Variants in CNOT1 observed in about 807,000 individuals in gnomAD.
CNOT1 encodes CCR4-NOT transcription complex subunit 1, also known as CCR4-associated factor 1.
CNOT1 carries 15 observed loss-of-function variants against 273.8 expected under a neutral mutation model. The observed-to-expected ratio is 0.05, with a 90% CI of 0.04 to 0.08. CNOT1 has a LOEUF of 0.08. Among genes scored for constraint, CNOT1 ranks in the 10% least tolerant of loss-of-function variants. The pLI, the probability that CNOT1 is intolerant of heterozygous loss-of-function variation, is 1.00. For synonymous variants in CNOT1, 1,022 were observed against 1,005.5 expected (o/e 1.02, Z -0.31); for missense variants, 1,644 against 2,912.2 (o/e 0.56, Z 10.02).
chr16:58,622,271 G>T (rs1325402407), intron 1 of CNOT1, among the ~76,000 whole-genome samples: 2 of 137,258 alleles, frequency 1.5e-5, no homozygotes, highest in Admixed American at 1.6e-4. Context: ...CCGAGATGGC[G>T]CCACTGCACT....
chr16:58,586,864 C>G, intron 6 of CNOT1, 116 bp from the exon 7 acceptor site: 1 of 1,194,028 alleles, frequency 8.4e-7, no homozygotes, highest in Non-Finnish European at 1.2e-6. Flanking sequence ...TCACCCATCT[C>G]TCTAATGCTT....
In CNOT1 at chr16:58,520,991, G is replaced by C; in HGVS notation, c.7098C>G (p.Ala2366=). Residue 2366 remains alanine (A), a synonymous_variant, in exon 49 of 49, where the codon GCC becomes GCG. Transcript: ENST00000317147. The part of the protein sequence containing the change: ...VAQCCMGQKQ[A]QQVMEGTGAS ...CACCTGTCCCTTCCATTACTTGCTGGGCCTGCTTCTGTCCCATGCAGCACT... is the reference window on the plus strand; with the variant it reads ...CACCTGTCCCTTCCATTACTTGCTGCGCCTGCTTCTGTCCCATGCAGCACT... 1 of 1,613,884 alleles carries C rather than the reference G, an allele frequency of 6.2e-7. No individual in the cohort carries two copies. The highest frequency in any genetic ancestry group is 8.5e-7 in the Non-Finnish European group (1 of 1,180,024).
chr16:58,551,494 G>A, intron 23 of CNOT1, 95 bp downstream of exon 23: 1 of 1,370,642 alleles, frequency 7.3e-7, no homozygotes. Flanking sequence ...TTTTTTAGTA[G>A]GCATGTGTTA....
chr16:58,531,564 T>C lies in CNOT1; in HGVS notation c.6177+394A>G, dbSNP rs535571809. Among the ~76,000 whole-genome samples, 30 of 152,280 alleles carry C rather than the reference T, an allele frequency of 2.0e-4. No homozygotes were observed. In the South Asian group the frequency reaches 6.2e-3, roughly 32 times the overall value. On this transcript the variant is annotated intron_variant, in intron 42 of 48. Coordinates refer to ENST00000317147, the MANE Select transcript of CNOT1 (RefSeq NM_016284.5). ...TGTTACCCAGAGATTTATTCAGATA[T>C]TTATGAGGGCACACATGGATTTCAA... is the stretch of plus-strand genomic sequence containing the variant.
At chr16:58,588,202 G>A (rs1344930021) in intron 3 of CNOT1, among the ~76,000 whole-genome samples, 5 of 152,062 alleles carry the variant, frequency 3.3e-5, no homozygotes, top group African/African-American at 1.2e-4. Flanking sequence ...GGGAGGCTGA[G>A]GCAGGAGAAT....
At chr16:58,591,619 C>T (rs1422494822) in intron 2 of CNOT1, among the ~76,000 whole-genome samples, 2 of 151,820 alleles carry the variant, frequency 1.3e-5, no homozygotes, top group African/African-American at 2.4e-5. Flanking sequence ...CCGGACGTGG[C>T]GGCATGCTCC....
At position 58,570,332 on chromosome 16, in the gene CNOT1, A is replaced by C. The variant is rs75223942; in HGVS notation, c.1979+4277T>G. Among the ~76,000 whole-genome samples, 1,821 of 152,276 alleles carry C rather than the reference A, an allele frequency of 0.012. 144 individuals carry two copies. The East Asian group carries it at 0.23, about 19-fold the overall frequency. Reference sequence around the variant, plus strand: ...ACAGGTAAATACAAAGGACAGTATAAATCTCCTAATTAAAGAACAACTGGG... The same window carrying C: ...ACAGGTAAATACAAAGGACAGTATACATCTCCTAATTAAAGAACAACTGGG... On this transcript the variant is annotated intron_variant, in intron 16 of 48. Coordinates refer to ENST00000317147, the MANE Select transcript of CNOT1 (RefSeq NM_016284.5).
At chr16:58,521,073 G>A (rs1298129452) in intron 48 of CNOT1, 37 bp from the exon 49 acceptor site, 3 of 1,613,812 alleles carry the variant, frequency 1.9e-6, no homozygotes, top group Non-Finnish European at 2.5e-6. Context: ...TCTGATTAAA[G>A]AGTAGGCCTA....
intron 45 of CNOT1, 112 bp downstream of exon 45, chr16:58,525,877 T>C (rs551639773): frequency 4.3e-5 from 37 of 864,760 alleles, no homozygotes; most frequent in South Asian, 2.2e-4. Flanking sequence ...CCTCACCCAA[T>C]TGATGGAAAT....
chr16:58,625,102 T>C (rs2043507785), intron 1 of CNOT1, among the ~76,000 whole-genome samples: 1 of 151,648 alleles, frequency 6.6e-6, no homozygotes, highest in Admixed American at 6.6e-5. Flanking sequence ...ATACAAAAAT[T>C]AGGCCAGGCG....
Position 58,528,641 on chromosome 16 carries a change from A to T in CNOT1, c.6287T>A (p.Leu2096Ter). 6.2e-7 allele frequency: 1 copy of T among 1,600,114 alleles called. No homozygotes were observed. ...ATGCAAAAGAACCAGCAGCACTCTTAAAGTGCCCTATTTTTAAAAAACAAG... is the reference window on the plus strand; with the variant it reads ...ATGCAAAAGAACCAGCAGCACTCTTTAAGTGCCCTATTTTTAAAAAACAAG... Reference protein sequence around the residue: ...KPMQILYKGTLRVLLVLLHDF... With the variant: ...KPMQILYKGT The change falls in exon 44 of 49, where the codon TTA becomes TAA. Residue 2096 changes from leucine to a stop codon, truncating the protein, a stop_gained. Coordinates refer to ENST00000317147, the MANE Select transcript of CNOT1 (RefSeq NM_016284.5). LOFTEE classifies it high-confidence loss of function.
rs183194469 is a variant in CNOT1, at chr16:58,569,282, C to G, written c.1979+5327G>C. Reference sequence around the variant, plus strand: ...GGACTATAGTCGCCCTTCACTATGCCTGGCTAATTTTTGCATTTTTAGTGG... The same window carrying G: ...GGACTATAGTCGCCCTTCACTATGCGTGGCTAATTTTTGCATTTTTAGTGG... On this transcript the variant is annotated intron_variant, in intron 16 of 48. Coordinates refer to ENST00000317147, the MANE Select transcript of CNOT1 (RefSeq NM_016284.5). 2.6e-5 allele frequency among the ~76,000 whole-genome samples: 4 copies of G among 152,220 alleles called. No homozygotes were observed. In the East Asian group the frequency reaches 7.7e-4, roughly 29 times the overall value.
intron 43 of CNOT1, among the ~76,000 whole-genome samples, chr16:58,529,359 G>GT (rs2039699421): frequency 6.6e-6 from 1 of 152,168 alleles, no homozygotes; most frequent in Admixed American, 6.5e-5. Context: ...CTTTAAGGGA[G>GT]TAAAAGGGCA....
Position 58,543,662 on chromosome 16 carries a change from G to A in CNOT1, c.4379C>T (p.Pro1460Leu). The change falls in exon 31 of 49, where the codon CCT (proline) becomes CTT (leucine). Residue 1460 changes from proline (P) to leucine (L), a missense_variant. Pro to Leu is a moderately conservative substitution (Grantham distance 98). This residue lies in a region of CNOT1 where 133 missense variants were observed against 230.4 expected (regional missense o/e 0.58). Transcript: ENST00000317147. ...AGMAMITCRE[P>L]LLMSISTNLK... is the part of the protein sequence containing the mutation. Reference sequence around the variant, plus strand: ...GTTGGTAGATATGCTCATGAGCAAAGGTTCCCTGCATGTAATCATAGCCAT... The same window carrying A: ...GTTGGTAGATATGCTCATGAGCAAAAGTTCCCTGCATGTAATCATAGCCAT... 1 of 1,614,202 alleles carries A rather than the reference G, an allele frequency of 6.2e-7. No individual in the cohort carries two copies. The highest frequency in any genetic ancestry group is 8.5e-7 in the Non-Finnish European group (1 of 1,180,028).
In CNOT1 at chr16:58,545,368, T is replaced by C; in HGVS notation, c.4130A>G (p.Asn1377Ser). ...LAGLAPHITL[N>S]PTIPLFQAHP... ...GGAGCAGTGTTTACTTACTGTTGGA[T>C]TCAGAGTAATGTGTGGTGCCAAGCC... Residue 1377 changes from asparagine to serine, a missense_variant, in exon 30 of 49, where the codon AAT becomes AGT. Physicochemically the swap from Asn to Ser is conservative, Grantham distance 46. Transcript: ENST00000317147. 6.2e-7 allele frequency: 1 copy of C among 1,613,670 alleles called. No individual in the cohort carries two copies. Among genetic ancestry groups the C allele is most frequent in the Non-Finnish European group, 8.5e-7 (1 of 1,179,772 alleles).
chr16:58,569,966 A>T (rs1191954203), intron 16 of CNOT1, among the ~76,000 whole-genome samples: 1 of 152,224 alleles, frequency 6.6e-6, no homozygotes, highest in Non-Finnish European at 1.5e-5. Context: ...AAGAAAAAAG[A>T]CAAGGAGAGT....
At chr16:58,575,733 A>T (rs1170632120) in intron 14 of CNOT1, among the ~76,000 whole-genome samples, 1 of 152,150 alleles carries the variant, frequency 6.6e-6, no homozygotes, top group East Asian at 1.9e-4. Context: ...CGGGAGGCAG[A>T]GATTGCAGTG....
At chr16:58,573,088 C>T (rs989631262) in intron 16 of CNOT1, among the ~76,000 whole-genome samples, 6 of 151,616 alleles carry the variant, frequency 4.0e-5, no homozygotes, top group African/African-American at 7.3e-5. Flanking sequence ...GGCAGATCAC[C>T]TGAGGTCAGG....
chr16:58,580,569 T>C, intron 12 of CNOT1, 64 bp downstream of exon 12: 4 of 1,562,826 alleles, frequency 2.6e-6, no homozygotes, highest in South Asian at 1.2e-5. Flanking sequence ...TGGCTTACTA[T>C]TAACTTTATA....
Sources: gnomAD v4.1 joint callset for allele counts (sites outside exome capture counted in the v4.1 genomes callset) on GRCh38, gnomAD v4.1.1 for gene constraint, gnomAD v4.1.1 regional missense constraint, MANE v1.5 for transcripts, NCBI Gene and HGNC (gene_info 2026-07-23, HGNC 2026-07-21) for gene names.